Variants in RFX3 observed in about 807,000 individuals in gnomAD.
RFX3 encodes regulatory factor X3, also known as transcription factor RFX3.
A neutral mutation model predicts 98.6 loss-of-function variants in RFX3; 14 were observed. The observed-to-expected ratio is 0.14, with a 90% confidence interval of 0.09 to 0.22. The LOEUF is 0.22. Among genes scored for constraint, RFX3 ranks in the 10% least tolerant of loss-of-function variants. The pLI is 1.00. For synonymous variants in RFX3, 383 were observed against 328.4 expected (o/e 1.17, Z -1.80); for missense variants, 639 against 926.9 (o/e 0.69, Z 4.03).
intron 1 of RFX3, among the ~76,000 whole-genome samples, chr9:3,496,998 T>C (rs1350986326): frequency 6.6e-6 from 1 of 152,010 alleles, no homozygotes; most frequent in African/African-American, 2.4e-5. Flanking sequence ...GACAAAAATC[T>C]ACATTCAAGA....
At chr9:3,512,994 G>A (rs183147938) in intron 1 of RFX3, among the ~76,000 whole-genome samples, 7 of 152,096 alleles carry the variant, frequency 4.6e-5, no homozygotes, top group African/African-American at 1.7e-4. Flanking sequence ...CCACATAGCT[G>A]AGAATATGCA....
At chr9:3,512,969 C>T (rs960321596) in intron 1 of RFX3, among the ~76,000 whole-genome samples, 1 of 151,970 alleles carries the variant, frequency 6.6e-6, no homozygotes, top group African/African-American at 2.4e-5. Flanking sequence ...CAATTGGAAA[C>T]CTTAAAAAAT....
At chr9:3,457,713 C>T (rs768186379) in intron 1 of RFX3, among the ~76,000 whole-genome samples, 1 of 152,062 alleles carries the variant, frequency 6.6e-6, no homozygotes, top group Non-Finnish European at 1.5e-5. Flanking sequence ...TTCTTACTTA[C>T]GAGAATCATT....
intron 4 of RFX3, 56 bp from the exon 5 acceptor site, chr9:3,301,676 G>A: frequency 8.0e-7 from 1 of 1,244,876 alleles, no homozygotes; most frequent in South Asian, 1.4e-5. Context: ...ATAAAAGGCT[G>A]ACCAGAGAAT....
At chr9:3,237,815 G>A (rs1157591128) in intron 15 of RFX3, among the ~76,000 whole-genome samples, 6 of 152,160 alleles carry the variant, frequency 3.9e-5, no homozygotes, top group Non-Finnish European at 5.9e-5. Flanking sequence ...GTGGAGCACA[G>A]CATGGGCGGA....
chr9:3,407,664 T>C (rs572218098), intron 1 of RFX3, among the ~76,000 whole-genome samples: 2 of 152,310 alleles, frequency 1.3e-5, no homozygotes, highest in Admixed American at 6.5e-5. Flanking sequence ...TAGAGTCTTT[T>C]CTGTTTTCAT....
intron 1 of RFX3, among the ~76,000 whole-genome samples, chr9:3,493,969 C>T (rs1850933870): frequency 6.6e-6 from 1 of 151,986 alleles, no homozygotes; most frequent in Admixed American, 6.6e-5. Context: ...GAAGGTTTCC[C>T]TAACCACTCA....
intron 1 of RFX3, among the ~76,000 whole-genome samples, chr9:3,462,214 T>C (rs944939262): frequency 2.5e-4 from 38 of 152,012 alleles, no homozygotes; most frequent in Non-Finnish European, 2.7e-4. Flanking sequence ...CCCAGCAACA[T>C]ACATATAAAC....
intron 1 of RFX3, among the ~76,000 whole-genome samples, chr9:3,422,762 T>G (rs1304616342): frequency 6.6e-6 from 1 of 152,172 alleles, no homozygotes. Context: ...CTGTACTATG[T>G]AAGATATCTG....
intron 4 of RFX3, among the ~76,000 whole-genome samples, chr9:3,317,538 G>C (rs1447552907): frequency 1.3e-5 from 2 of 152,176 alleles, no homozygotes; most frequent in Non-Finnish European, 2.9e-5. Flanking sequence ...TAAAACTAAA[G>C]AGCTTCTGCA....
At chr9:3,382,580 T>C (rs1415583568) in intron 2 of RFX3, among the ~76,000 whole-genome samples, 2 of 152,192 alleles carry the variant, frequency 1.3e-5, no homozygotes, top group Non-Finnish European at 1.5e-5. Context: ...AATGCTTTTG[T>C]CTTTTTCTTG....
intron 4 of RFX3, among the ~76,000 whole-genome samples, chr9:3,324,860 A>C (rs1393634792): frequency 6.6e-6 from 1 of 152,154 alleles, no homozygotes; most frequent in East Asian, 1.9e-4. Flanking sequence ...GCTACAAGGA[A>C]GGCTGAGGTG....
intron 2 of RFX3, chr9:3,364,862 TA>T (rs1283836818): frequency 6.6e-6 from 1 of 152,222 alleles, no homozygotes; most frequent in Admixed American, 6.5e-5. Context: ...ATCTCATAAG[TA>T]TTATTTAATT....
At chr9:3,497,502 T>A (rs898852700) in intron 1 of RFX3, among the ~76,000 whole-genome samples, 1 of 151,938 alleles carries the variant, frequency 6.6e-6, no homozygotes, top group African/African-American at 2.4e-5. Flanking sequence ...CTGTAACTCA[T>A]CACTTAGCAG....
intron 1 of RFX3, among the ~76,000 whole-genome samples, chr9:3,421,284 G>C (rs1843419710): frequency 6.6e-6 from 1 of 152,142 alleles, no homozygotes; most frequent in Non-Finnish European, 1.5e-5. Flanking sequence ...AAACCAAGTG[G>C]AGAAAGCTAA....
chr9:3,445,811 T>C (rs1490815586), intron 1 of RFX3, among the ~76,000 whole-genome samples: 1 of 152,128 alleles, frequency 6.6e-6, no homozygotes, highest in African/African-American at 2.4e-5. Flanking sequence ...TCTTTCAAAG[T>C]CCTTTAAAAA....
chr9:3,481,426 C>T (rs950138978), intron 1 of RFX3, among the ~76,000 whole-genome samples: 6 of 151,934 alleles, frequency 3.9e-5, no homozygotes, highest in Admixed American at 6.6e-5. Flanking sequence ...ATCTAACTAA[C>T]ATGAACAATT....
At chr9:3,351,840 T>C (rs578171660) in intron 2 of RFX3, among the ~76,000 whole-genome samples, 1 of 152,080 alleles carries the variant, frequency 6.6e-6, no homozygotes, top group South Asian at 2.1e-4. Context: ...CATGCTTACA[T>C]ATAGTTAGTA....
rs188532872 is a variant in RFX3 at position 3,483,463 on chromosome 9, G to C, written c.-9+42284C>G. On this transcript the variant is annotated intron_variant, in intron 1 of 16. Transcript: ENST00000617270. ...AATAAAACCAATATATGCAATTTAT[G>C]GCACTGAATGAGACACAGATAATAC... is the stretch of plus-strand genomic sequence containing the variant. 2.3e-4 allele frequency among the ~76,000 whole-genome samples: 35 copies of C among 152,272 alleles called. No individual in the cohort carries two copies. In the East Asian group the frequency reaches 6.6e-3, roughly 29 times the overall value.
Sources: allele counts gnomAD v4.1 joint callset (sites outside exome capture counted in the v4.1 genomes callset), GRCh38; gene constraint gnomAD v4.1.1; transcripts MANE v1.5; gene names NCBI Gene and HGNC (gene_info 2026-07-23, HGNC 2026-07-21).